POP1: variants seen among roughly 807,000 people sequenced by gnomAD.
POP1 encodes ribonucleases P/MRP protein subunit POP1.
POP1 carries 75 observed loss-of-function variants against 102.2 expected under a neutral mutation model. That is an observed-to-expected ratio of 0.73 (90% CI 0.61 to 0.89). The LOEUF (loss-of-function observed/expected upper bound fraction) is 0.89. POP1 is among the 40% of genes least tolerant of loss of function. The pLI, the probability that POP1 is intolerant of heterozygous loss-of-function variation, is 0.00. For missense variants in POP1, 1,116 were observed against 1,267.4 expected (o/e 0.88, Z 1.81); for synonymous variants, 436 against 464.1 (o/e 0.94, Z 0.78).
intron 14 of POP1, among the ~76,000 whole-genome samples, chr8:98,153,531 C>CCCTTTTTTTTTTTTTTT (rs1430760385): frequency 2.5e-5 from 2 of 81,236 alleles, no homozygotes; most frequent in Admixed American, 1.4e-4. Flanking sequence ...ACAGTTCTGA[C>CCCTTTTTTTTTTTTTTT]TCTTTTTTTT....
intron 14 of POP1, 64 bp from the exon 15 acceptor site, chr8:98,155,986 T>C (rs1008266480): frequency 7.8e-5 from 121 of 1,543,770 alleles, no homozygotes; most frequent in Non-Finnish European, 9.9e-5. Context: ...ATAATGGTTA[T>C]AATTATTTTA....
intron 5 of POP1, among the ~76,000 whole-genome samples, chr8:98,133,733 TATTTGTTAAGGTGAC>T (rs1197659485): frequency 6.6e-6 from 1 of 152,214 alleles, no homozygotes; most frequent in African/African-American, 2.4e-5. Context: ...GGTTTAAAAA[TATTTGTTAAGGTGAC>T]AGGAATGGAC....
chr8:98,137,072 C>A, intron 9 of POP1, 118 bp downstream of exon 9: 1 of 871,464 alleles, frequency 1.1e-6, no homozygotes. Flanking sequence ...GTTTATTTCC[C>A]TACTTATTAT....
At chr8:98,147,151 G>C (rs553438181) in intron 12 of POP1, among the ~76,000 whole-genome samples, 2 of 152,330 alleles carry the variant, frequency 1.3e-5, no homozygotes, top group South Asian at 4.1e-4. Flanking sequence ...AAGATGCTGG[G>C]ATAGATGACT....
intron 14 of POP1, among the ~76,000 whole-genome samples, chr8:98,151,351 G>T (rs1469686285): frequency 6.6e-6 from 1 of 152,230 alleles, no homozygotes; most frequent in Non-Finnish European, 1.5e-5. Context: ...AAAGTGCCAG[G>T]ATTATAGGTG....
At position 98,129,964 on chromosome 8, in the gene POP1, A is replaced by G. The variant is rs201359905; in HGVS notation, c.487-14A>G. ...CTTACAAACTGGGATATGTCCCTCT[A>G]CTTGAAACTATAGGCGGAGAAAGCC... On this transcript the variant is annotated splice_polypyrimidine_tract_variant and intron_variant, in intron 4 of 15. Coordinates refer to ENST00000401707, the MANE Select transcript of POP1 (RefSeq NM_001145860.2). 7.0e-5 allele frequency: 113 copies of G among 1,613,752 alleles called. 1 individual carries two copies. The Middle Eastern group carries it at 9.9e-4, about 14-fold the overall frequency.
At chr8:98,124,927 C>T (rs1041982344) in intron 2 of POP1, among the ~76,000 whole-genome samples, 1 of 152,146 alleles carries the variant, frequency 6.6e-6, no homozygotes, top group Admixed American at 6.5e-5. Flanking sequence ...TGTCCAAGGA[C>T]TTGTTTGGAG....
At chr8:98,127,853 T>C (rs1816256069) in intron 3 of POP1, 91 bp downstream of exon 3, 3 of 1,373,226 alleles carry the variant, frequency 2.2e-6, no homozygotes, top group Non-Finnish European at 3.1e-6. Flanking sequence ...GTCCTGGCTC[T>C]GCCTCCCCTA....
chr8:98,134,456 C>T lies in POP1; in HGVS notation c.824-16C>T, dbSNP rs764722092. 1 of 1,613,652 alleles carries T rather than the reference C, an allele frequency of 6.2e-7. No individual in the cohort carries two copies. The highest frequency in any genetic ancestry group is 1.1e-5 in the South Asian group (1 of 91,044). ...CAACACCCGGAATTATGGAATTTTG[C>T]TTTTGTTGATGTCAGGGCTGACGTT... On this transcript the variant is annotated splice_polypyrimidine_tract_variant and intron_variant, in intron 6 of 15. Transcript: ENST00000401707.
chr8:98,139,487 G>A (rs901347767), intron 9 of POP1, among the ~76,000 whole-genome samples: 21 of 152,154 alleles, frequency 1.4e-4, no homozygotes, highest in Non-Finnish European at 2.6e-4. Context: ...TTGGGAGGCT[G>A]AGGTGGGTTG....
intron 15 of POP1, among the ~76,000 whole-genome samples, chr8:98,156,800 C>T (rs973108923): frequency 1.3e-5 from 2 of 152,028 alleles, no homozygotes; most frequent in African/African-American, 4.8e-5. Context: ...TAATATAGTC[C>T]TAGCCAGAGA....
At chr8:98,147,265 TTGAAC>T (rs1375281881) in intron 12 of POP1, among the ~76,000 whole-genome samples, 1 of 152,176 alleles carries the variant, frequency 6.6e-6, no homozygotes, top group Non-Finnish European at 1.5e-5. Context: ...GAGCAGGCAT[TTGAAC>T]TGACTCTCAG....
chr8:98,120,737 A>C lies in POP1; in HGVS notation c.-2-2599A>C, dbSNP rs1815991071. On this transcript the variant is annotated intron_variant, in intron 1 of 15. Coordinates refer to ENST00000401707, the MANE Select transcript of POP1 (RefSeq NM_001145860.2). ...TCTCGGCTCACTGGAAGCTCCGCCT[A>C]CCGGGTTCACGCCATTCTCCTGCCT... Among the ~76,000 whole-genome samples, 4 of 150,064 alleles carry C rather than the reference A, an allele frequency of 2.7e-5. No individual in the cohort carries two copies. The South Asian group carries it at 6.3e-4, about 24-fold the overall frequency.
At chr8:98,121,168 A>G (rs1041949335) in intron 1 of POP1, among the ~76,000 whole-genome samples, 6 of 152,234 alleles carry the variant, frequency 3.9e-5, no homozygotes, top group African/African-American at 1.4e-4. Flanking sequence ...AAGATTATGT[A>G]ACTAAAAAGT....
rs369697833 is a variant in POP1 at position 98,136,675 on chromosome 8, A to T, written c.1205A>T (p.Asp402Val). The change falls in exon 8 of 16, where the codon GAT becomes GTT. Residue 402 changes from aspartate (D) to valine (V), a missense_variant. Coordinates refer to ENST00000401707, the MANE Select transcript of POP1 (RefSeq NM_001145860.2). ...AAACCAATTAAAAAAATTATCGGTG[A>T]TGGAACTAGAGATCCATGTCTACCA... ...NAKPIKKIIG[D>V]GTRDPCLPYS... The T allele has an allele frequency of 1.9e-6, 3 of 1,612,862 alleles. No individual in the cohort carries two copies. The highest frequency in any genetic ancestry group is 2.7e-5 in the African/African-American group (2 of 74,900).
chr8:98,123,270 A>C, intron 1 of POP1, 66 bp from the exon 2 acceptor site: 2 of 1,545,444 alleles, frequency 1.3e-6, no homozygotes, highest in African/African-American at 2.8e-5. Flanking sequence ...TTTACTCATT[A>C]AATTTATTTT....
At chr8:98,127,961 C>A (rs879800826) in intron 3 of POP1, among the ~76,000 whole-genome samples, 199 bp downstream of exon 3, 3 of 152,114 alleles carry the variant, frequency 2.0e-5, no homozygotes, top group Non-Finnish European at 2.9e-5. Context: ...TCTTCAGTTT[C>A]TCTCCCTGTC....
Position 98,130,121 on chromosome 8 carries a change from G to A in POP1, c.630G>A (p.Lys210=), listed in dbSNP as rs771813608. Residue 210 remains lysine, a synonymous_variant, in exon 5 of 16, where the codon AAG becomes AAA. Transcript: ENST00000401707. ...IWLETHIWHA[K]RFHMVKKWGY... is the part of the protein sequence containing the mutation. ...TAGAAACTCACATCTGGCACGCCAA[G>A]CGGTTTCATATGGTCAAGAAGTGGG... The A allele has an allele frequency of 6.2e-7, 1 of 1,614,222 alleles. No homozygotes were observed. Among genetic ancestry groups the A allele is most frequent in the Non-Finnish European group, 8.5e-7 (1 of 1,180,034 alleles).
At chr8:98,147,750 CTTGGTGG>C (rs1223671156) in intron 12 of POP1, among the ~76,000 whole-genome samples, 1 of 152,014 alleles carries the variant, frequency 6.6e-6, no homozygotes. Context: ...ATTGACAAGG[CTTGGTGG>C]TTGGTTGGAA....
Sources: gnomAD v4.1 joint callset for allele counts (sites outside exome capture counted in the v4.1 genomes callset) on GRCh38, gnomAD v4.1.1 for gene constraint, MANE v1.5 for transcripts, NCBI Gene and HGNC (gene_info 2026-07-23, HGNC 2026-07-21) for gene names.